Variants in IFT70A observed in about 807,000 individuals in gnomAD.
IFT70A encodes intraflagellar transport protein 70A.
At chr2:177,618,708 C>T in the IFT70A span, 2 of 1,556,778 alleles carry the variant, frequency 1.3e-6, no homozygotes, top group South Asian at 2.4e-5. Flanking sequence ...CCATAACCAC[C>T]ACGGCTGTTA....
At chr2:177,618,135 G>C in the IFT70A span, 1 of 1,614,244 alleles carries the variant, frequency 6.2e-7, no homozygotes, top group Non-Finnish European at 8.5e-7. Flanking sequence ...TGTAGGAAAG[G>C]TCAGGCTGGT....
At chr2:177,618,249 G>A in the IFT70A span, 2 of 1,614,238 alleles carry the variant, frequency 1.2e-6, no homozygotes, top group Non-Finnish European at 1.7e-6. Context: ...CGGTCTCATT[G>A]TCGCCTCCAC....
the IFT70A span, chr2:177,613,360 G>T: frequency 2.0e-5 from 3 of 152,194 alleles, no homozygotes; most frequent in Non-Finnish European, 4.4e-5. Context: ...TGCTGTTATG[G>T]TCTGATTCCT....
At chr2:177,615,345 C>T in the IFT70A span, 1 of 152,218 alleles carries the variant, frequency 6.6e-6, no homozygotes, top group African/African-American at 2.4e-5. Flanking sequence ...CAAATCTCCT[C>T]TTCCCGAACA....
chr2:177,616,724 T>A, the IFT70A span: 3 of 1,533,538 alleles, frequency 2.0e-6, no homozygotes, highest in East Asian at 4.5e-5. Context: ...CATCCTATAA[T>A]CTCATAAATC....
chr2:177,616,589 C>G, the IFT70A span: 1 of 1,006,836 alleles, frequency 9.9e-7, no homozygotes, highest in Non-Finnish European at 1.4e-6. Context: ...CTTGTTCTTA[C>G]AAAGTGGATA....
At chr2:177,617,870 G>A in the IFT70A span, 3 of 1,614,216 alleles carry the variant, frequency 1.9e-6, no homozygotes, top group East Asian at 2.2e-5. Context: ...GCCCTGGGTG[G>A]CATGTCGGTG....
chr2:177,618,687 G>A, the IFT70A span: 8 of 1,582,130 alleles, frequency 5.1e-6, 1 homozygote, highest in South Asian at 7.0e-5. Flanking sequence ...TCTGCGCGCC[G>A]CTCAGACCAG....
chr2:177,617,613 A>G, the IFT70A span: 42 of 1,614,152 alleles, frequency 2.6e-5, no homozygotes, highest in South Asian at 2.5e-4. Flanking sequence ...TGATCAGGGC[A>G]TCTAAGAAGT....
At chr2:177,617,233 T>C in the IFT70A span, 53 of 1,593,838 alleles carry the variant, frequency 3.3e-5, no homozygotes, top group Non-Finnish European at 4.2e-5. Flanking sequence ...GATGTTATCA[T>C]AATGCTTCTT....
Sources: allele counts gnomAD v4.1 joint callset, GRCh38; gene constraint gnomAD v4.1.1; transcripts MANE v1.5; gene names NCBI Gene and HGNC (gene_info 2026-07-23, HGNC 2026-07-21).